The following PIK3R1 variants were observed in gnomAD, a reference collection of about 807,000 sequenced individuals.
PIK3R1 encodes the protein phosphatidylinositol 3-kinase regulatory subunit alpha.
A neutral mutation model predicts 98.0 loss-of-function variants in PIK3R1; 29 were observed. That is an observed-to-expected ratio of 0.30 (90% CI 0.22 to 0.40). The LOEUF (loss-of-function observed/expected upper bound fraction) is 0.40, where lower values mean the gene tolerates loss of function less well. Ranked by LOEUF, PIK3R1 falls within the 10% of genes least tolerant of loss-of-function variation. The probability of loss-of-function intolerance (pLI) is 1.00; values close to 1 mark genes in which losing one functional copy is unlikely to be tolerated. For missense variants in PIK3R1, 596 were observed against 872.7 expected (o/e 0.68, Z 3.99); for synonymous variants, 282 against 311.8 (o/e 0.90, Z 1.01).
intron 2 of PIK3R1, 44 bp downstream of exon 2, chr5:68,227,053 C>A (rs1402438551): frequency 2.6e-6 from 4 of 1,516,336 alleles, no homozygotes; most frequent in Non-Finnish European, 3.6e-6. Flanking sequence ...CTTTCTTTTT[C>A]TTTTTAAGGA....
At position 68,249,453 on chromosome 5, in the gene PIK3R1, C is replaced by G. The variant is rs72757670; in HGVS notation, c.334+22444C>G. On this transcript the variant is annotated intron_variant, in intron 2 of 15. Transcript: ENST00000521381. ...ATGTACGGGGTTGTTAAAATACTGCCTGGACATATTATCTACCCTGCACTA... is the reference window on the plus strand; with the variant it reads ...ATGTACGGGGTTGTTAAAATACTGCGTGGACATATTATCTACCCTGCACTA... Among the ~76,000 whole-genome samples the G allele has an allele frequency of 4.5e-3, 683 of 152,260 alleles. 1 individual carries two copies. Among genetic ancestry groups the G allele is most frequent in the Admixed American group, 8.0e-3 (122 of 15,302 alleles).
intron 1 of PIK3R1, among the ~76,000 whole-genome samples, chr5:68,218,770 A>G (rs1743990790): frequency 6.6e-6 from 1 of 152,234 alleles, no homozygotes; most frequent in South Asian, 2.1e-4. Flanking sequence ...TTGCAAGTGA[A>G]GGCAAGAGAA....
intron 7 of PIK3R1, chr5:68,290,595 T>C (rs1198282266): frequency 1.5e-6 from 2 of 1,305,614 alleles, no homozygotes; most frequent in African/African-American, 3.0e-5. Flanking sequence ...TCTGACTTGA[T>C]TGGCTGGGGC....
At chr5:68,237,702 A>G (rs903298279) in intron 2 of PIK3R1, among the ~76,000 whole-genome samples, 5 of 152,126 alleles carry the variant, frequency 3.3e-5, no homozygotes, top group Non-Finnish European at 7.3e-5. Context: ...TCTCAGTACA[A>G]TTCCTAAGAA....
At chr5:68,258,895 A>G (rs1745630426) in intron 2 of PIK3R1, among the ~76,000 whole-genome samples, 1 of 152,198 alleles carries the variant, frequency 6.6e-6, no homozygotes, top group African/African-American at 2.4e-5. Flanking sequence ...ATGCCTTCCA[A>G]TAGAGTTAAG....
intron 7 of PIK3R1, among the ~76,000 whole-genome samples, chr5:68,289,103 T>G (rs1035170339): frequency 6.6e-6 from 1 of 152,110 alleles, no homozygotes; most frequent in Non-Finnish European, 1.5e-5. Context: ...CACCGACGGT[T>G]CCCAAATGCA....
intron 2 of PIK3R1, among the ~76,000 whole-genome samples, chr5:68,262,484 CTATATGTATACATATATCTA>C (rs1743710862): frequency 7.1e-6 from 1 of 139,990 alleles, no homozygotes; most frequent in South Asian, 2.2e-4. Context: ...ACATATATAT[CTATATGTATACATATATCTA>C]TATATGTATA....
At chr5:68,242,706 T>C (rs1251503871) in intron 2 of PIK3R1, among the ~76,000 whole-genome samples, 1 of 152,252 alleles carries the variant, frequency 6.6e-6, no homozygotes, top group Non-Finnish European at 1.5e-5. Context: ...GCCCAAGGCC[T>C]GTCCATGAAC....
rs1748018630 is a variant in PIK3R1, at chr5:68,301,113, C to G, written c.*3512C>G. Reference sequence around the variant, plus strand: ...ATCCAAGTTAGTTGAAACGCAGACACTGAGATCTGTTTGAGTTTAGGGTCA... The same window carrying G: ...ATCCAAGTTAGTTGAAACGCAGACAGTGAGATCTGTTTGAGTTTAGGGTCA... On this transcript the variant is annotated 3_prime_UTR_variant, in exon 16 of 16. Coordinates refer to ENST00000521381, the MANE Select transcript of PIK3R1 (RefSeq NM_181523.3). The G allele has an allele frequency of 4.4e-6, 1 of 229,040 alleles. No individual in the cohort carries two copies. Among genetic ancestry groups the G allele is most frequent in the Non-Finnish European group, 8.7e-6 (1 of 115,444 alleles). The allele number at this position is 229,040 out of a possible 1,614,324, so 14.2% of individuals were successfully genotyped here. A position where few individuals can be genotyped will look rare whatever the true frequency, so the allele number is the denominator to read the frequency against.
At chr5:68,217,122 C>T (rs907395464) in intron 1 of PIK3R1, among the ~76,000 whole-genome samples, 15 of 152,012 alleles carry the variant, frequency 9.9e-5, no homozygotes, top group Non-Finnish European at 1.9e-4. Context: ...TCTTTGTCAG[C>T]CAGTGCGAAG....
chr5:68,276,229 A>G (rs966918880), intron 4 of PIK3R1, among the ~76,000 whole-genome samples: 1 of 152,170 alleles, frequency 6.6e-6, no homozygotes, highest in Non-Finnish European at 1.5e-5. Context: ...AGGCTGGATA[A>G]TTCTTTGCTG....
At chr5:68,227,270 T>A (rs1744314417) in intron 2 of PIK3R1, among the ~76,000 whole-genome samples, 1 of 152,226 alleles carries the variant, frequency 6.6e-6, no homozygotes, top group Non-Finnish European at 1.5e-5. Context: ...ATTATTATAG[T>A]TGTCATTGAA....
chr5:68,292,637 C>T (rs1442984373), intron 8 of PIK3R1: 1 of 1,394,380 alleles, frequency 7.2e-7, no homozygotes, highest in Non-Finnish European at 9.4e-7. Flanking sequence ...TGTGAAGGCA[C>T]TCTATCTATT....
chr5:68,295,665 A>C, intron 14 of PIK3R1, 177 bp downstream of exon 14: 1 of 615,714 alleles, frequency 1.6e-6, no homozygotes, highest in South Asian at 2.0e-5. Flanking sequence ...AGCTTAGCTA[A>C]GGAGGACTAG....
chr5:68,261,941 G>A (rs1305656341), intron 2 of PIK3R1, among the ~76,000 whole-genome samples: 2 of 152,104 alleles, frequency 1.3e-5, no homozygotes, highest in African/African-American at 4.8e-5. Context: ...GTGGAGCATA[G>A]GTTATTACGG....
At chr5:68,222,182 G>C (rs113608946) in intron 1 of PIK3R1, among the ~76,000 whole-genome samples, 2 of 152,198 alleles carry the variant, frequency 1.3e-5, no homozygotes, top group African/African-American at 4.8e-5. Flanking sequence ...AGGCATGATA[G>C]AGTGAATCTG....
intron 2 of PIK3R1, among the ~76,000 whole-genome samples, chr5:68,263,272 C>T (rs1471737433): frequency 1.4e-5 from 2 of 144,864 alleles, no homozygotes; most frequent in Admixed American, 1.4e-4. Flanking sequence ...TTTAGTTCTG[C>T]TATATCTATA....
chr5:68,225,241 T>C (rs1175024303), intron 1 of PIK3R1, among the ~76,000 whole-genome samples: 1 of 152,232 alleles, frequency 6.6e-6, no homozygotes, highest in Admixed American at 6.5e-5. Flanking sequence ...ATCATTTTTT[T>C]TTTTTTTTAA....
At chr5:68,295,382 A>G (rs1310410259) in intron 13 of PIK3R1, 38 bp from the exon 14 acceptor site, 6 of 1,613,302 alleles carry the variant, frequency 3.7e-6, no homozygotes, top group Non-Finnish European at 3.4e-6. Context: ...ACAATTCAGG[A>G]TGAGTTAATG....
Sources: allele counts gnomAD v4.1 joint callset (sites outside exome capture counted in the v4.1 genomes callset), GRCh38; gene constraint gnomAD v4.1.1; transcripts MANE v1.5; gene names NCBI Gene and HGNC (gene_info 2026-07-23, HGNC 2026-07-21).